Variants in IFT172 observed in about 807,000 individuals in gnomAD.
IFT172 encodes intraflagellar transport 172.
Under a neutral mutation model 248.9 loss-of-function variants are expected in IFT172, and 164 were observed. The ratio of observed to expected loss-of-function variants is 0.66; its 90% CI spans 0.58 to 0.75. The LOEUF is 0.75. Among genes scored for constraint, IFT172 ranks in the 30% least tolerant of loss-of-function variants. The pLI, the probability that IFT172 is intolerant of heterozygous loss-of-function variation, is 0.00. For missense variants in IFT172, 1,950 were observed against 2,192.4 expected (o/e 0.89, Z 2.21); for synonymous variants, 729 against 791.6 (o/e 0.92, Z 1.33).
rs377326896 is a variant in IFT172 at position 27,449,716 on chromosome 2, G to A, written c.4135C>T (p.Arg1379Cys). The A allele has an allele frequency of 2.4e-5, 38 of 1,613,476 alleles. No homozygotes were observed. The highest frequency in any genetic ancestry group is 6.7e-5 in the Admixed American group (4 of 59,958). The change falls in exon 37 of 48, where the codon CGT (arginine) becomes TGT (cysteine). Residue 1379 changes from arginine to cysteine, a missense_variant. By Grantham distance (180) the Arg-to-Cys change is radical (BLOSUM62 -3). Around this residue, in one of 3 missense-constraint regions of IFT172, gnomAD observed 620 missense variants for 699.0 expected, o/e 0.89. Coordinates refer to ENST00000260570, the MANE Select transcript of IFT172 (RefSeq NM_015662.3). ...CTGGGATCTAACTCCTTAGCTACAC[G>A]CTTCGCCTTGTTCCACTCCTCACCC... is the stretch of plus-strand genomic sequence containing the variant. ...IEGEEWNKAK[R>C]VAKELDPRYE...
In IFT172 at chr2:27,485,110, C is replaced by T. The variant is rs1467002304; in HGVS notation, c.204G>A (p.Met68Ile). 2.5e-6 allele frequency: 4 copies of T among 1,603,032 alleles called. No homozygotes were observed. The highest frequency in any genetic ancestry group is 3.4e-6 in the Non-Finnish European group (4 of 1,171,514). Reference protein sequence around the residue: ...ADMKYGRKSYMVKGMAFSPDS... With the variant: ...ADMKYGRKSYIVKGMAFSPDS... ...CAGGAGAAAAAGCCATGCCCTTCAC[C>T]ATATAGCTCTTCCTGCCATACTAAG... Residue 68 changes from methionine to isoleucine, a missense_variant, in exon 3 of 48, where the codon ATG becomes ATA. Met to Ile is a conservative substitution (Grantham distance 10). This residue lies in a region of IFT172 where 1,166 missense variants were observed against 1,254.1 expected (regional missense o/e 0.93). Transcript: ENST00000260570.
At position 27,448,991 on chromosome 2, in the gene IFT172, G is replaced by T. The variant is rs776529440; in HGVS notation, c.4352C>A (p.Thr1451Asn). ...AGAGCTACCCTCCCGGATCAAGTGA[G>T]TTGCATACAAAGCCACATACTTGTG... ...ILHKYVALYA[T>N]HLIREGSSAQ... Residue 1451 changes from threonine (T) to asparagine (N), a missense_variant, in exon 40 of 48, where the codon ACT becomes AAT. Thr to Asn is a moderately conservative substitution (Grantham distance 65). Transcript: ENST00000260570. 1.2e-6 allele frequency: 2 copies of T among 1,611,494 alleles called. No homozygotes were observed. Among genetic ancestry groups the T allele is most frequent in the Non-Finnish European group, 1.7e-6 (2 of 1,177,624 alleles).
At chr2:27,487,851 C>T (rs1035964167) in intron 1 of IFT172, among the ~76,000 whole-genome samples, 3 of 152,170 alleles carry the variant, frequency 2.0e-5, no homozygotes, top group African/African-American at 7.2e-5. Flanking sequence ...TCCCAAAGAG[C>T]TTGGTTTACA....
At position 27,458,882 on chromosome 2, in the gene IFT172, G is replaced by A; in HGVS notation, c.2788-14C>T. ...CTCCTCAGCAATCTGTAGTTGATGG[G>A]AGGTAGATACAAAAGGTCAGAGCAA... is the stretch of plus-strand genomic sequence containing the variant. On this transcript the variant is annotated splice_polypyrimidine_tract_variant and intron_variant, in intron 25 of 47. Coordinates refer to ENST00000260570, the MANE Select transcript of IFT172 (RefSeq NM_015662.3). 2 of 1,613,598 alleles carry A rather than the reference G, an allele frequency of 1.2e-6. No homozygotes were observed. The highest frequency in any genetic ancestry group is 4.5e-5 in the East Asian group (2 of 44,872).
rs921473865 is a variant in IFT172, at chr2:27,472,319, C to A, written c.1455G>T (p.Glu485Asp). The change falls in exon 15 of 48, where the codon GAG becomes GAT. Residue 485 changes from glutamate (E) to aspartate (D), a missense_variant. Transcript: ENST00000260570. ...TAAGTTCCAGCCAATCCACACGGCT[C>A]TCATGGCTGACGGTGCCAATGTTGT... ...GGYNIGTVSH[E>D]SRVDWLELNE... 6.2e-7 allele frequency: 1 copy of A among 1,614,056 alleles called. No individual in the cohort carries two copies. The highest frequency in any genetic ancestry group is 1.3e-5 in the African/African-American group (1 of 74,926).
At position 27,465,891 on chromosome 2, in the gene IFT172, G is replaced by A. The variant is rs751662955; in HGVS notation, c.1693-9C>T. 2.5e-6 allele frequency: 4 copies of A among 1,613,768 alleles called. No individual in the cohort carries two copies. In the South Asian group the frequency reaches 4.4e-5, roughly 18 times the overall value. On this transcript the variant is annotated splice_polypyrimidine_tract_variant and intron_variant, in intron 16 of 47. Coordinates refer to ENST00000260570, the MANE Select transcript of IFT172 (RefSeq NM_015662.3). ...AGACCTATAACATCACCCTGTAAAA[G>A]TTTATCCCCCAACCCACCCCAATTT...
Position 27,489,587 on chromosome 2 carries a change from G to A in IFT172, c.39+28C>T, listed in dbSNP as rs776538601. 6 of 1,587,856 alleles carry A rather than the reference G, an allele frequency of 3.8e-6. No homozygotes were observed. The African/African-American group carries it at 5.4e-5, about 14-fold the overall frequency. On this transcript the variant is annotated intron_variant, in intron 1 of 47. Coordinates refer to ENST00000260570, the MANE Select transcript of IFT172 (RefSeq NM_015662.3). ...CTTTTCTTGGAACATAAAGCATAAG[G>A]GGGAGGGACTGGCACGCAATTCCTC... is the stretch of plus-strand genomic sequence containing the variant.
At chr2:27,453,953 C>G in intron 33 of IFT172, 29 bp downstream of exon 33, 1 of 1,585,962 alleles carries the variant, frequency 6.3e-7, no homozygotes, top group East Asian at 2.2e-5. Context: ...TCTCCCCCTC[C>G]CCTCATGGCC....
chr2:27,463,067 G>A (rs769270956), intron 19 of IFT172, 30 bp downstream of exon 19: 1 of 1,605,604 alleles, frequency 6.2e-7, no homozygotes, highest in Non-Finnish European at 8.5e-7. Context: ...TTGGGAGACA[G>A]ACAGAATGAA....
Position 27,471,067 on chromosome 2 carries a change from G to C in IFT172, c.1553C>G (p.Ser518Cys), listed in dbSNP as rs375640327. The change falls in exon 16 of 48, where the codon TCT becomes TGT. Residue 518 changes from serine to cysteine, a missense_variant. Transcript: ENST00000260570. ...GCAGAAGTTGAGGATCATTGTCTTA[G>C]AGCAGCTTTCAATATCATACAGATG... ...RLHLYDIESC[S>C]KTMILNFCSY... is the part of the protein sequence containing the mutation. 7.4e-6 allele frequency: 12 copies of C among 1,611,224 alleles called. No individual in the cohort carries two copies. The African/African-American group carries it at 1.2e-4, about 16-fold the overall frequency.
intron 10 of IFT172, among the ~76,000 whole-genome samples, chr2:27,479,013 CT>C (rs1040159793): frequency 2.0e-5 from 3 of 151,168 alleles, no homozygotes; most frequent in Non-Finnish European, 3.0e-5. Flanking sequence ...TAAAACTTTT[CT>C]TTTTTTTTGA....
intron 1 of IFT172, 134 bp from the exon 2 acceptor site, chr2:27,485,637 T>TGG: frequency 1.9e-6 from 2 of 1,038,638 alleles, no homozygotes; most frequent in Non-Finnish European, 2.8e-6. Flanking sequence ...AACAAAGAGA[T>TGG]GCCTGTGGCC....
At position 27,459,697 on chromosome 2, in the gene IFT172, A is replaced by C. The variant is rs775954601; in HGVS notation, c.2642+12T>G. ...ACACCTAAATCTCCTTTACATTCCC[A>C]TACTCCCATACCTGGCTTCGATGTA... is the stretch of plus-strand genomic sequence containing the variant. On this transcript the variant is annotated intron_variant, in intron 24 of 47. Transcript: ENST00000260570. The C allele has an allele frequency of 7.4e-6, 12 of 1,611,418 alleles. No homozygotes were observed. In the African/African-American group the frequency reaches 9.3e-5, roughly 13 times the overall value.
At chr2:27,481,444 CACACACACAT>C (rs893937226) in intron 7 of IFT172, among the ~76,000 whole-genome samples, 184 bp from the exon 8 acceptor site, 4 of 150,430 alleles carry the variant, frequency 2.7e-5, no homozygotes, top group African/African-American at 9.9e-5. Flanking sequence ...CACACACACA[CACACACACAT>C]ACACACACAC....
In IFT172 at chr2:27,484,286, G is replaced by A. The variant is rs1668590134; in HGVS notation, c.297-20C>T. 1.2e-6 allele frequency: 2 copies of A among 1,613,216 alleles called. No individual in the cohort carries two copies. Among genetic ancestry groups the A allele is most frequent in the African/African-American group, 1.3e-5 (1 of 74,896 alleles). On this transcript the variant is annotated intron_variant, in intron 3 of 47. Transcript: ENST00000260570. ...TCACCCCTGCCAAACAAAAGAAGGGGAAACATATTAAAAACCACTTCCAGG... is the reference window on the plus strand; with the variant it reads ...TCACCCCTGCCAAACAAAAGAAGGGAAAACATATTAAAAACCACTTCCAGG...
intron 8 of IFT172, 125 bp from the exon 9 acceptor site, chr2:27,480,274 G>C: frequency 7.4e-7 from 1 of 1,355,916 alleles, no homozygotes; most frequent in Non-Finnish European, 9.7e-7. Flanking sequence ...GAACAGACAA[G>C]CTAGGCAGTC....
intron 10 of IFT172, 112 bp from the exon 11 acceptor site, chr2:27,478,268 C>A: frequency 8.2e-7 from 1 of 1,225,554 alleles, no homozygotes. Context: ...TACCTTGTTT[C>A]TTCCCTGGGT....
At chr2:27,475,267 C>T (rs1429876793) in intron 14 of IFT172, among the ~76,000 whole-genome samples, 1 of 152,070 alleles carries the variant, frequency 6.6e-6, no homozygotes, top group Non-Finnish European at 1.5e-5. Context: ...TTTTAGAGAA[C>T]AATTTGGAAA....
chr2:27,453,927 G>A, intron 33 of IFT172, 55 bp downstream of exon 33: 3 of 1,549,086 alleles, frequency 1.9e-6, no homozygotes, highest in Non-Finnish European at 2.6e-6. Flanking sequence ...GTGGCTCTCT[G>A]TGGGCTCTTA....
Sources: gnomAD v4.1 joint callset for allele counts (sites outside exome capture counted in the v4.1 genomes callset) on GRCh38, gnomAD v4.1.1 for gene constraint, gnomAD v4.1.1 regional missense constraint, MANE v1.5 for transcripts, NCBI Gene and HGNC (gene_info 2026-07-23, HGNC 2026-07-21) for gene names.